The following PCLO variants were observed in gnomAD, a reference collection of about 807,000 sequenced individuals.
PCLO encodes piccolo presynaptic cytomatrix protein, also known as protein piccolo.
Under a neutral mutation model 427.5 loss-of-function variants are expected in PCLO, and 82 were observed. That is an observed-to-expected ratio of 0.19 (90% CI 0.16 to 0.23). The LOEUF is 0.23. PCLO is among the 10% of genes least tolerant of loss of function. The pLI is 1.00. For synonymous variants in PCLO, 2,357 were observed against 2,155.4 expected, an observed-to-expected ratio of 1.09 and a Z score of -2.59; for missense variants, 6,239 against 6,115.9, an observed-to-expected ratio of 1.02 and a Z score of -0.67.
chr7:82,879,309 A>T, intron 10 of PCLO, 28 bp downstream of exon 10: 1 of 1,577,824 alleles, frequency 6.3e-7, no homozygotes, highest in South Asian at 1.2e-5. Context: ...CATTCATTTT[A>T]TTTTACTGTA....
At chr7:82,919,391 A>G (rs1276658782) in intron 6 of PCLO, among the ~76,000 whole-genome samples, 3 of 152,022 alleles carry the variant, frequency 2.0e-5, no homozygotes, top group Non-Finnish European at 2.9e-5. Context: ...TTTAAGTTCC[A>G]TCTGTCAAGG....
intron 3 of PCLO, among the ~76,000 whole-genome samples, chr7:83,021,670 G>A (rs1291266982): frequency 2.0e-5 from 3 of 152,068 alleles, no homozygotes; most frequent in Non-Finnish European, 4.4e-5. Flanking sequence ...TAAATTTGGA[G>A]CAAGGCCAAC....
intron 3 of PCLO, among the ~76,000 whole-genome samples, chr7:83,062,872 A>G (rs1156720489): frequency 6.6e-6 from 1 of 152,116 alleles, no homozygotes; most frequent in African/African-American, 2.4e-5. Context: ...ACTATGTACC[A>G]TAATTCTATA....
intron 3 of PCLO, among the ~76,000 whole-genome samples, chr7:82,998,190 C>A (rs564003776): frequency 6.6e-6 from 1 of 151,800 alleles, no homozygotes; most frequent in East Asian, 1.9e-4. Context: ...TGTGGACAAG[C>A]CTGAGAGTTT....
At chr7:82,799,539 C>T (rs1791297730) in intron 22 of PCLO, among the ~76,000 whole-genome samples, 1 of 152,158 alleles carries the variant, frequency 6.6e-6, no homozygotes, top group Middle Eastern at 3.2e-3. Context: ...AAATATTGTG[C>T]TGGCCCTATA....
At chr7:83,153,876 T>C (rs892931796) in intron 2 of PCLO, among the ~76,000 whole-genome samples, 1 of 151,418 alleles carries the variant, frequency 6.6e-6, no homozygotes, top group Admixed American at 6.6e-5. Context: ...AAAAATGCTT[T>C]GTATCTTCTT....
chr7:82,873,028 CAG>C (rs1793275192), intron 10 of PCLO, among the ~76,000 whole-genome samples: 1 of 151,962 alleles, frequency 6.6e-6, no homozygotes, highest in Non-Finnish European at 1.5e-5. Flanking sequence ...GGGATAGTAA[CAG>C]AGGTTTGTGA....
intron 3 of PCLO, among the ~76,000 whole-genome samples, chr7:83,083,716 G>A (rs1183072374): frequency 1.3e-5 from 2 of 152,028 alleles, no homozygotes; most frequent in Non-Finnish European, 2.9e-5. Flanking sequence ...AAGTCTACAT[G>A]TAGAAAAAGC....
intron 21 of PCLO, among the ~76,000 whole-genome samples, chr7:82,803,486 G>GCAAAGTTA (rs1791400970): frequency 6.6e-6 from 1 of 152,040 alleles, no homozygotes; most frequent in Non-Finnish European, 1.5e-5. Context: ...GCTTTCAATT[G>GCAAAGTTA]AAACTGATTT....
At chr7:82,990,398 G>A (rs1287835240) in intron 3 of PCLO, among the ~76,000 whole-genome samples, 2 of 152,120 alleles carry the variant, frequency 1.3e-5, no homozygotes, top group Non-Finnish European at 2.9e-5. Context: ...TTAATTACCA[G>A]ACAGGTAATT....
intron 21 of PCLO, among the ~76,000 whole-genome samples, chr7:82,802,260 G>GAA (rs906605519): frequency 9.7e-5 from 5 of 51,710 alleles, no homozygotes; most frequent in East Asian, 1.4e-3. Flanking sequence ...TTTTGATTAT[G>GAA]AAAAAAAACA....
chr7:82,868,426 G>C (rs1046666305), intron 10 of PCLO, among the ~76,000 whole-genome samples: 4 of 152,090 alleles, frequency 2.6e-5, no homozygotes, highest in Admixed American at 6.6e-5. Context: ...CTGATTCTCA[G>C]CATTACATCC....
intron 2 of PCLO, among the ~76,000 whole-genome samples, chr7:83,137,556 G>C (rs919369617): frequency 6.6e-6 from 1 of 152,000 alleles, no homozygotes; most frequent in Non-Finnish European, 1.5e-5. Flanking sequence ...TCAGCCTCCC[G>C]GGTAGCTGGG....
At chr7:82,810,775 G>T (rs894520118) in intron 20 of PCLO, among the ~76,000 whole-genome samples, 1 of 151,626 alleles carries the variant, frequency 6.6e-6, no homozygotes, top group Admixed American at 6.6e-5. Flanking sequence ...CAATTAGTTT[G>T]CTCTGTTGGC....
intron 3 of PCLO, among the ~76,000 whole-genome samples, chr7:83,125,817 T>C (rs934963460): frequency 6.6e-6 from 1 of 151,794 alleles, no homozygotes; most frequent in Admixed American, 6.6e-5. Flanking sequence ...GCTGACCTTC[T>C]CTCCACTATT....
chr7:82,828,041 A>C, intron 16 of PCLO, 75 bp from the exon 17 acceptor site: 1 of 757,554 alleles, frequency 1.3e-6, no homozygotes, highest in Non-Finnish European at 2.3e-6. Flanking sequence ...ACTAAAGGAC[A>C]TGCAGACTAT....
At chr7:83,008,385 G>A (rs1168727554) in intron 3 of PCLO, among the ~76,000 whole-genome samples, 1 of 151,686 alleles carries the variant, frequency 6.6e-6, no homozygotes, top group Non-Finnish European at 1.5e-5. Flanking sequence ...GTGGGAGTAG[G>A]AATCTAATCT....
At position 82,820,822 on chromosome 7, in the gene PCLO, G is replaced by C. The variant is rs1055790638; in HGVS notation, c.14791+1673C>G. 8.1e-6 allele frequency: 10 copies of C among 1,230,700 alleles called. No homozygotes were observed. In the African/African-American group the frequency reaches 1.6e-4, roughly 19 times the overall value. The allele number at this position is 1,230,700 out of a possible 1,614,324, so 76.2% of individuals were successfully genotyped here. ...TTATAGTCATGCTTGAACAGATTAG[G>C]TTAGTAGCATGCATTCCATTCTGCA... On this transcript the variant is annotated intron_variant, in intron 20 of 24. Transcript: ENST00000333891.
chr7:83,156,043 G>T lies in PCLO; in HGVS notation c.598C>A (p.Gln200Lys). ...TKKQKVVQKE[Q>K]GKPEGIIKPP... ...TTTATGATTCCTTCAGGTTTTCCTT[G>T]CTCCTTCTGAACCACTTTTTGTTTC... The change falls in exon 2 of 25, where the codon CAA becomes AAA. Residue 200 changes from glutamine (Q) to lysine (K), a missense_variant. Transcript: ENST00000333891. The T allele has an allele frequency of 6.2e-7, 1 of 1,613,406 alleles. No homozygotes were observed. The highest frequency in any genetic ancestry group is 8.5e-7 in the Non-Finnish European group (1 of 1,179,752).
Sources: allele counts gnomAD v4.1 joint callset (sites outside exome capture counted in the v4.1 genomes callset), GRCh38; gene constraint gnomAD v4.1.1; transcripts MANE v1.5; gene names NCBI Gene and HGNC (gene_info 2026-07-23, HGNC 2026-07-21).